APMAP: variants seen among roughly 807,000 people sequenced by gnomAD.
APMAP encodes the protein adipocyte plasma membrane-associated protein.
APMAP carries 33 observed loss-of-function variants against 43.6 expected under a neutral mutation model. The observed-to-expected ratio is 0.76, with a 90% CI of 0.57 to 1.01. The LOEUF is 1.01. APMAP is among the 50% of genes least tolerant of loss of function. APMAP has a pLI of 0.00. For synonymous variants in APMAP, 224 were observed against 216.7 expected, an observed-to-expected ratio of 1.03 and a Z score of -0.30; for missense variants, 498 against 540.7, an observed-to-expected ratio of 0.92 and a Z score of 0.78.
intron 6 of APMAP, 87 bp from the exon 7 acceptor site, chr20:24,969,747 C>G: frequency 6.7e-7 from 1 of 1,482,382 alleles, no homozygotes; most frequent in Non-Finnish European, 9.0e-7. Context: ...AAGAAGGTGA[C>G]TCCGCCTCAC....
At chr20:24,987,429 C>G (rs2088157083) in intron 1 of APMAP, among the ~76,000 whole-genome samples, 2 of 152,184 alleles carry the variant, frequency 1.3e-5, no homozygotes, top group Admixed American at 6.5e-5. Context: ...ATGTCTAGCC[C>G]CACTCATCTG....
intron 1 of APMAP, among the ~76,000 whole-genome samples, chr20:24,985,262 G>A (rs758876139): frequency 3.9e-5 from 6 of 152,156 alleles, no homozygotes; most frequent in Non-Finnish European, 8.8e-5. Context: ...TTTCACAAAC[G>A]AATAAAGCAG....
intron 1 of APMAP, among the ~76,000 whole-genome samples, chr20:24,989,678 T>C (rs2088175447): frequency 1.3e-5 from 2 of 152,032 alleles, no homozygotes; most frequent in Admixed American, 6.5e-5. Flanking sequence ...TGTTCATTTT[T>C]CACAATCCTT....
chr20:24,969,726 G>A (rs982370474), intron 6 of APMAP, 66 bp from the exon 7 acceptor site: 3 of 1,547,108 alleles, frequency 1.9e-6, no homozygotes, highest in Non-Finnish European at 2.6e-6. Flanking sequence ...GGCCTTCAGG[G>A]TATGGGCCTG....
chr20:24,969,142 T>A, intron 7 of APMAP, 58 bp from the exon 8 acceptor site: 2 of 1,476,916 alleles, frequency 1.4e-6, no homozygotes, highest in East Asian at 2.4e-5. Context: ...AGAAAAAAAA[T>A]TTTAGCCAAG....
chr20:24,963,952 C>G lies in APMAP; in HGVS notation c.1112G>C (p.Gly371Ala). Residue 371 changes from glycine to alanine, a missense_variant, in exon 9 of 9, where the codon GGT (glycine) becomes GCT (alanine). Coordinates refer to ENST00000217456, the MANE Select transcript of APMAP (RefSeq NM_020531.3). ...YSLVLELSDS[G>A]AFRRSLHDPD... ...ATCATGCAGGCTTCTCCGGAAGGCA[C>G]CGCTGTCGCTGAGTTCTAGGACGAG... is the stretch of plus-strand genomic sequence containing the variant. The G allele has an allele frequency of 5.0e-6, 8 of 1,614,226 alleles. No individual in the cohort carries two copies. Among genetic ancestry groups the G allele is most frequent in the Non-Finnish European group, 6.8e-6 (8 of 1,180,044 alleles).
At chr20:24,978,738 G>GCCCCCCCCCCCCCCCCCC in intron 3 of APMAP, 29 bp downstream of exon 3, 2 of 1,310,756 alleles carry the variant, frequency 1.5e-6, no homozygotes, top group Non-Finnish European at 2.1e-6. Context: ...AGCCTGGAAG[G>GCCCCCCCCCCCCCCCCCC]CTCCCCCCCC....
At chr20:24,988,972 C>T (rs1000894856) in intron 1 of APMAP, among the ~76,000 whole-genome samples, 2 of 152,060 alleles carry the variant, frequency 1.3e-5, no homozygotes, top group African/African-American at 4.8e-5. Flanking sequence ...GCTCCTGGAC[C>T]CCTGCTCTGG....
chr20:24,985,212 TTCCTGAACATGCATGATCCAG>T (rs1424586703), intron 1 of APMAP, among the ~76,000 whole-genome samples: 3 of 152,174 alleles, frequency 2.0e-5, no homozygotes, highest in Non-Finnish European at 4.4e-5. Flanking sequence ...GCAGGGTAAC[TTCCTGAACATGCATGATCCAG>T]TCCTGAACAT....
In APMAP at chr20:24,979,586, G is replaced by A. The variant is rs760248427; in HGVS notation, c.213-704C>T. Among the ~76,000 whole-genome samples, 10 of 152,108 alleles carry A rather than the reference G, an allele frequency of 6.6e-5. No individual in the cohort carries two copies. In the East Asian group the frequency reaches 7.7e-4, roughly 12 times the overall value. On this transcript the variant is annotated intron_variant, in intron 2 of 8. Coordinates refer to ENST00000217456, the MANE Select transcript of APMAP (RefSeq NM_020531.3). ...ACTTTGAAAAGACACCATTGAACCC[G>A]TCTCCCCATGTCCTCCTTACAACCC...
At chr20:24,966,293 T>C (rs577145771) in intron 8 of APMAP, among the ~76,000 whole-genome samples, 2 of 152,320 alleles carry the variant, frequency 1.3e-5, no homozygotes, top group South Asian at 2.1e-4. Flanking sequence ...TCAAAATCAA[T>C]GATGACTGTA....
chr20:24,975,569 C>A (rs185842193), intron 3 of APMAP, among the ~76,000 whole-genome samples: 58 of 152,254 alleles, frequency 3.8e-4, no homozygotes, highest in Admixed American at 1.1e-3. Flanking sequence ...GACAGGAATA[C>A]TCAATATTGT....
At chr20:24,976,363 C>T (rs2122506516) in intron 3 of APMAP, among the ~76,000 whole-genome samples, 1 of 152,014 alleles carries the variant, frequency 6.6e-6, no homozygotes, top group South Asian at 2.1e-4. Flanking sequence ...AATGAACAAC[C>T]CAATTACAAA....
rs141543812 is a variant in APMAP at position 24,963,960 on chromosome 20, G to A, written c.1104C>T (p.Ser368=). 1.1e-4 allele frequency: 184 copies of A among 1,614,208 alleles called. 1 individual carries two copies. The East Asian group carries it at 3.3e-3, about 29-fold the overall frequency. Residue 368 remains serine (S), a synonymous_variant, in exon 9 of 9, where the codon AGC becomes AGT. Transcript: ENST00000217456. ...VPRYSLVLEL[S]DSGAFRRSLH... ...GGCTTCTCCGGAAGGCACCGCTGTC[G>A]CTGAGTTCTAGGACGAGGCTGTACC...
chr20:24,967,064 C>A (rs576355294), intron 8 of APMAP, among the ~76,000 whole-genome samples: 1 of 152,142 alleles, frequency 6.6e-6, no homozygotes, highest in Admixed American at 6.5e-5. Flanking sequence ...GAGGCTGAGA[C>A]GGGTGGATTA....
chr20:24,980,971 T>C (rs1242728946), intron 2 of APMAP, among the ~76,000 whole-genome samples: 1 of 151,890 alleles, frequency 6.6e-6, no homozygotes, highest in Non-Finnish European at 1.5e-5. Context: ...TGTTTGGGAG[T>C]CTACCCAGGA....
At chr20:24,965,885 A>G (rs2087938230) in intron 8 of APMAP, among the ~76,000 whole-genome samples, 1 of 152,216 alleles carries the variant, frequency 6.6e-6, no homozygotes, top group Admixed American at 6.5e-5. Context: ...ATAAGGGGAG[A>G]AAACTTGGAT....
intron 3 of APMAP, among the ~76,000 whole-genome samples, chr20:24,974,838 T>C (rs945747996): frequency 6.6e-6 from 1 of 152,160 alleles, no homozygotes; most frequent in Non-Finnish European, 1.5e-5. Flanking sequence ...AGAGCACCAA[T>C]ATGTGAGGCA....
At chr20:24,975,154 G>A (rs2088040332) in intron 3 of APMAP, among the ~76,000 whole-genome samples, 1 of 152,094 alleles carries the variant, frequency 6.6e-6, no homozygotes, top group Admixed American at 6.5e-5. Flanking sequence ...CTCCTTTTCA[G>A]TATCATACTT....
Sources: gnomAD v4.1 joint callset for allele counts (sites outside exome capture counted in the v4.1 genomes callset) on GRCh38, gnomAD v4.1.1 for gene constraint, MANE v1.5 for transcripts, NCBI Gene and HGNC (gene_info 2026-07-23, HGNC 2026-07-21) for gene names.